The following PLEKHF1 variants were observed in gnomAD, a reference collection of about 807,000 sequenced individuals.
The protein encoded by PLEKHF1 is pleckstrin homology domain-containing family F member 1.
A neutral mutation model predicts 4.1 loss-of-function variants in PLEKHF1; 1 was observed. The observed-to-expected ratio is 0.24, with a 90% CI of 0.09 to 1.15. PLEKHF1 has a LOEUF of 1.15. PLEKHF1 is among the 50% of genes most tolerant of loss of function. The probability of loss-of-function intolerance (pLI) is 0.52; values close to 1 mark genes in which losing one functional copy is unlikely to be tolerated. For synonymous variants in PLEKHF1, 182 were observed against 178.5 expected (o/e 1.02, Z -0.16); for missense variants, 429 against 400.6 (o/e 1.07, Z -0.60).
At chr19:29,666,362 G>T (rs1385939841) in intron 1 of PLEKHF1, among the ~76,000 whole-genome samples, 1 of 152,230 alleles carries the variant, frequency 6.6e-6, no homozygotes. Context: ...CGTTCCCACT[G>T]GAGTCTGTTG....
intron 1 of PLEKHF1, among the ~76,000 whole-genome samples, chr19:29,669,864 C>G (rs894091338): frequency 6.6e-6 from 1 of 152,108 alleles, no homozygotes; most frequent in Non-Finnish European, 1.5e-5. Context: ...TTATTTTTAC[C>G]ATTCTAACCA....
At position 29,674,355 on chromosome 19, in the gene PLEKHF1, C is replaced by T; in HGVS notation, c.516C>T (p.Arg172=). The T allele has an allele frequency of 6.5e-7, 1 of 1,546,400 alleles. No individual in the cohort carries two copies. Among genetic ancestry groups the T allele is most frequent in the South Asian group, 1.2e-5 (1 of 85,756 alleles). ...CGCGCTTCTCTGCCCTCACGAGGCGCCACCACTGCCGCAAGTGCGGCTTCG... is the reference window on the plus strand; with the variant it reads ...CGCGCTTCTCTGCCCTCACGAGGCGTCACCACTGCCGCAAGTGCGGCTTCG... ...TQTRFSALTR[R]HHCRKCGFVV... Residue 172 remains arginine (R), a synonymous_variant, in exon 2 of 2, where the codon CGC becomes CGT. Transcript: ENST00000436066.
intron 1 of PLEKHF1, among the ~76,000 whole-genome samples, chr19:29,670,926 G>A (rs1233492335): frequency 2.0e-5 from 3 of 151,932 alleles, no homozygotes; most frequent in African/African-American, 2.4e-5. Flanking sequence ...CCCCCTCCTC[G>A]GCCTCCCAAA....
Position 29,671,104 on chromosome 19 carries a change from CTT to C in PLEKHF1, c.-16-2708_-16-2707del, listed in dbSNP as rs56717095. Among the ~76,000 whole-genome samples, 9 of 144,764 alleles carry C rather than the reference CTT, an allele frequency of 6.2e-5. No individual in the cohort carries two copies. The highest frequency in any genetic ancestry group is 6.9e-5 in the Admixed American group (1 of 14,424). 95.0% of individuals were successfully genotyped at this position (144,764 alleles called of 152,430 possible). The stretch of plus-strand genomic sequence containing the variant: ...TTTTTTGTTTTGTTTTTTTCCCCTC[CTT>C]TTTTTTTTTTTGAGATGGAATCTCA... On this transcript the variant is annotated intron_variant, in intron 1 of 1. Transcript: ENST00000436066. The surrounding 1 kb of genome is among the most constrained non-coding windows in gnomAD (Gnocchi z 4.0).
chr19:29,668,732 A>AG (rs1246159146), intron 1 of PLEKHF1, among the ~76,000 whole-genome samples: 2 of 151,862 alleles, frequency 1.3e-5, no homozygotes, highest in African/African-American at 2.4e-5. Context: ...AAAAAAAAAA[A>AG]AAAGAAAGAA....
chr19:29,674,430 C>T lies in PLEKHF1; in HGVS notation c.591C>T (p.Ser197=), dbSNP rs1451513942. The T allele has an allele frequency of 1.3e-6, 2 of 1,532,186 alleles. No individual in the cohort carries two copies. The highest frequency in any genetic ancestry group is 1.7e-6 in the Non-Finnish European group (2 of 1,143,028). The allele number at this position is 1,532,186 out of a possible 1,614,324, so 94.9% of individuals were successfully genotyped here. The change falls in exon 2 of 2, where the codon TCC becomes TCT. Residue 197 remains serine (S), a synonymous_variant. Transcript: ENST00000436066. ...AGCGCTTCCTGCTCCCGCGCCTGTCCCCCAAGCCCGTGCGCGTCTGCAGCC... is the reference window on the plus strand; with the variant it reads ...AGCGCTTCCTGCTCCCGCGCCTGTCTCCCAAGCCCGTGCGCGTCTGCAGCC... The part of the protein sequence containing the change: ...SRQRFLLPRL[S]PKPVRVCSLC...
intron 1 of PLEKHF1, among the ~76,000 whole-genome samples, chr19:29,667,369 C>T (rs950265473): frequency 6.6e-6 from 1 of 151,988 alleles, no homozygotes; most frequent in Non-Finnish European, 1.5e-5. Flanking sequence ...CTCCAGCTCC[C>T]GGCTGTAACC....
In PLEKHF1 at chr19:29,673,929, G is replaced by T. The variant is rs766862826; in HGVS notation, c.90G>T (p.Ala30=). 3.7e-6 allele frequency: 6 copies of T among 1,613,128 alleles called. No homozygotes were observed. In the Admixed American group the frequency reaches 1.0e-4, roughly 27 times the overall value. The stretch of plus-strand genomic sequence containing the variant: ...TCGGGGCCTCGGGGCAGCCGCTGGC[G>T]CTGCCAGGCCGAGTGCTGCTGGGCG... ...SCFGASGQPL[A]LPGRVLLGEG... is the part of the protein sequence containing the mutation. Residue 30 remains alanine (A), a synonymous_variant, in exon 2 of 2, where the codon GCG becomes GCT. Coordinates refer to ENST00000436066, the MANE Select transcript of PLEKHF1 (RefSeq NM_024310.5).
At position 29,674,786 on chromosome 19, in the gene PLEKHF1, C is replaced by T. The variant is rs1330389494; in HGVS notation, c.*107C>T. Reference sequence around the variant, plus strand: ...GCTCCGGGACCCCATCCCATGGTGGCAGGTGCAGCGGTGGGGAGTGGCTCT... The same window carrying T: ...GCTCCGGGACCCCATCCCATGGTGGTAGGTGCAGCGGTGGGGAGTGGCTCT... On this transcript the variant is annotated 3_prime_UTR_variant, in exon 2 of 2. Transcript: ENST00000436066. 2 of 1,448,688 alleles carry T rather than the reference C, an allele frequency of 1.4e-6. No homozygotes were observed. The highest frequency in any genetic ancestry group is 2.7e-5 in the Admixed American group (1 of 37,048). The allele number at this position is 1,448,688 out of a possible 1,614,324, so 89.7% of individuals were successfully genotyped here.
chr19:29,667,866 G>A (rs753378193), intron 1 of PLEKHF1, among the ~76,000 whole-genome samples: 1 of 152,180 alleles, frequency 6.6e-6, no homozygotes, highest in Non-Finnish European at 1.5e-5. Flanking sequence ...TCAAGAGCTG[G>A]TAGCAAATAG....
chr19:29,666,416 C>G (rs569570755), intron 1 of PLEKHF1, among the ~76,000 whole-genome samples: 3 of 152,320 alleles, frequency 2.0e-5, no homozygotes. Context: ...TCCCTGCACA[C>G]GTCAGCCCTC....
rs138452593 is a variant in PLEKHF1, at chr19:29,674,602, G to A, written c.763G>A (p.Gly255Ser). 31 of 1,607,920 alleles carry A rather than the reference G, an allele frequency of 1.9e-5. No homozygotes were observed. Among genetic ancestry groups the A allele is most frequent in the Non-Finnish European group, 2.6e-5 (31 of 1,177,978 alleles). ...CGATGACTCCGACGAGGACAAGGAG[G>A]GCAGCAGGGACGGCGACTGGCCCAG... Reference protein sequence around the residue: ...DDDDSDEDKEGSRDGDWPSSV... With the variant: ...DDDDSDEDKESSRDGDWPSSV... The change falls in exon 2 of 2, where the codon GGC becomes AGC. Residue 255 changes from glycine (G) to serine (S), a missense_variant. By Grantham distance (56) the Gly-to-Ser change is moderately conservative. Transcript: ENST00000436066.
rs1971675040 is a variant in PLEKHF1 at position 29,674,367 on chromosome 19, C to T, written c.528C>T (p.Arg176=). 3.2e-6 allele frequency: 5 copies of T among 1,540,834 alleles called. No homozygotes were observed. Among genetic ancestry groups the T allele is most frequent in the Non-Finnish European group, 4.4e-6 (5 of 1,148,210 alleles). Residue 176 remains arginine (R), a synonymous_variant, in exon 2 of 2, where the codon CGC becomes CGT. Coordinates refer to ENST00000436066, the MANE Select transcript of PLEKHF1 (RefSeq NM_024310.5). ...FSALTRRHHC[R]KCGFVVCAEC... ...CCCTCACGAGGCGCCACCACTGCCG[C>T]AAGTGCGGCTTCGTGGTCTGCGCTG...
chr19:29,671,879 G>A lies in PLEKHF1; in HGVS notation c.-16-1945G>A, dbSNP rs535104854. On this transcript the variant is annotated intron_variant, in intron 1 of 1. Transcript: ENST00000436066. The surrounding 1 kb of genome is among the most constrained non-coding windows in gnomAD (Gnocchi z 4.0). Reference sequence around the variant, plus strand: ...CAGCCCCAGGCGTGCCGTGTGTACCGGAATGCATGTGTGCACGTGGTGGTG... The same window carrying A: ...CAGCCCCAGGCGTGCCGTGTGTACCAGAATGCATGTGTGCACGTGGTGGTG... Among the ~76,000 whole-genome samples the A allele has an allele frequency of 7.0e-4, 106 of 152,222 alleles. No individual in the cohort carries two copies. Among genetic ancestry groups the A allele is most frequent in the African/African-American group, 2.3e-3 (97 of 41,526 alleles).
rs1971626387 is a variant in PLEKHF1 at position 29,671,038 on chromosome 19, G to A, written c.-16-2786G>A. Among the ~76,000 whole-genome samples the A allele has an allele frequency of 6.6e-6, 1 of 151,510 alleles. No individual in the cohort carries two copies. Among genetic ancestry groups the A allele is most frequent in the Admixed American group, 6.6e-5 (1 of 15,212 alleles). Reference sequence around the variant, plus strand: ...TTCCTATTCTCATCAGCAGTGCACAGTTTCCAGTTTCTCCACACCCTCACC... The same window carrying A: ...TTCCTATTCTCATCAGCAGTGCACAATTTCCAGTTTCTCCACACCCTCACC... On this transcript the variant is annotated intron_variant, in intron 1 of 1. Coordinates refer to ENST00000436066, the MANE Select transcript of PLEKHF1 (RefSeq NM_024310.5). This position sits in a 1 kb window ranked among gnomAD's most constrained non-coding sequence, Gnocchi z 4.0.
Position 29,674,641 on chromosome 19 carries a change from T to C in PLEKHF1, c.802T>C (p.Tyr268His). Reference sequence around the variant, plus strand: ...CGACTGGCCCAGCAGCGTGGAGTTCTACGCCTCGGGGGTGGCCTGGTCTGC... The same window carrying C: ...CGACTGGCCCAGCAGCGTGGAGTTCCACGCCTCGGGGGTGGCCTGGTCTGC... Reference protein sequence around the residue: ...DGDWPSSVEFYASGVAWSAFH... With the variant: ...DGDWPSSVEFHASGVAWSAFH... Residue 268 changes from tyrosine to histidine, a missense_variant, in exon 2 of 2, where the codon TAC (tyrosine) becomes CAC (histidine). By Grantham distance (83) the Tyr-to-His change is moderately conservative. Transcript: ENST00000436066. 6.2e-7 allele frequency: 1 copy of C among 1,610,082 alleles called. No homozygotes were observed. Among genetic ancestry groups the C allele is most frequent in the Non-Finnish European group, 8.5e-7 (1 of 1,178,928 alleles).
Position 29,673,923 on chromosome 19 carries a change from G to T in PLEKHF1, c.84G>T (p.Pro28=), listed in dbSNP as rs773718545. ...VESCFGASGQ[P]LALPGRVLLG... The stretch of plus-strand genomic sequence containing the variant: ...GCTGCTTCGGGGCCTCGGGGCAGCC[G>T]CTGGCGCTGCCAGGCCGAGTGCTGC... The change falls in exon 2 of 2, where the codon CCG becomes CCT. Residue 28 remains proline (P), a synonymous_variant. Transcript: ENST00000436066. 1 of 1,613,058 alleles carries T rather than the reference G, an allele frequency of 6.2e-7. No individual in the cohort carries two copies. Among genetic ancestry groups the T allele is most frequent in the African/African-American group, 1.3e-5 (1 of 75,036 alleles).
In PLEKHF1 at chr19:29,674,151, G is replaced by T. The variant is rs1317967017; in HGVS notation, c.312G>T (p.Thr104=). ...CCAAGAACCGCTGGATGATCAAGAC[G>T]GCCAAGAAGTCCTTTGTGGTGTCGG... ...LQAKNRWMIK[T]AKKSFVVSAA... The change falls in exon 2 of 2, where the codon ACG becomes ACT. Residue 104 remains threonine, a synonymous_variant. Coordinates refer to ENST00000436066, the MANE Select transcript of PLEKHF1 (RefSeq NM_024310.5). 6 of 1,613,600 alleles carry T rather than the reference G, an allele frequency of 3.7e-6. No homozygotes were observed. The highest frequency in any genetic ancestry group is 1.3e-5 in the African/African-American group (1 of 74,922).
At chr19:29,665,528 G>A (rs1487840282) in intron 1 of PLEKHF1, 23 bp downstream of exon 1, 2 of 1,249,064 alleles carry the variant, frequency 1.6e-6, no homozygotes, top group South Asian at 2.6e-5. Context: ...ACCGTCCCCC[G>A]GCCGGGCTGC....
Sources: allele counts gnomAD v4.1 joint callset (sites outside exome capture counted in the v4.1 genomes callset), GRCh38; gene constraint gnomAD v4.1.1; non-coding constraint Gnocchi (gnomAD v3.1); transcripts MANE v1.5; gene names NCBI Gene and HGNC (gene_info 2026-07-23, HGNC 2026-07-21).